The following PTPRB variants were observed in gnomAD, a reference collection of about 807,000 sequenced individuals.
PTPRB encodes the protein receptor-type tyrosine-protein phosphatase beta.
A neutral mutation model predicts 238.1 loss-of-function variants in PTPRB; 97 were observed. That is an observed-to-expected ratio of 0.41 (90% CI 0.35 to 0.48). The LOEUF is 0.48. PTPRB is among the 20% of genes least tolerant of loss of function. The probability of loss-of-function intolerance (pLI) is 0.30; values close to 1 mark genes in which losing one functional copy is unlikely to be tolerated. For missense variants in PTPRB, 2,292 were observed against 2,681.9 expected, an observed-to-expected ratio of 0.85 and a Z score of 3.21; for synonymous variants, 970 against 995.4, an observed-to-expected ratio of 0.97 and a Z score of 0.48.
At chr12:70,539,307 C>T (rs1157248058) in intron 26 of PTPRB, 3 of 531,106 alleles carry the variant, frequency 5.6e-6, no homozygotes, top group East Asian at 3.0e-5. Flanking sequence ...GAAACCACGG[C>T]ATCTTCCAGC....
At chr12:70,573,777 A>AG (rs111956105) in intron 11 of PTPRB, among the ~76,000 whole-genome samples, 9,602 of 151,886 alleles carry the variant, frequency 0.063, 441 homozygotes, top group African/African-American at 0.13. Flanking sequence ...AGTGCTGGGG[A>AG]TGCATGGTTT....
intron 2 of PTPRB, among the ~76,000 whole-genome samples, chr12:70,632,858 G>T (rs1592613879): frequency 6.6e-6 from 1 of 152,322 alleles, no homozygotes; most frequent in East Asian, 1.9e-4. Context: ...AAGCTGCCAT[G>T]TGAGTCTAAT....
At chr12:70,524,279 T>C (rs1366130401) in intron 33 of PTPRB, among the ~76,000 whole-genome samples, 192 bp downstream of exon 33, 2 of 151,516 alleles carry the variant, frequency 1.3e-5, no homozygotes, top group Non-Finnish European at 2.9e-5. Context: ...GGCTATTTTT[T>C]TTTTTTTTAG....
chr12:70,559,025 T>C (rs1222465360), intron 18 of PTPRB: 1 of 462,920 alleles, frequency 2.2e-6, no homozygotes, highest in Admixed American at 3.7e-5. Flanking sequence ...CAAGAAGTTC[T>C]CTTGTATTGG....
chr12:70,525,080 G>A (rs977493804), intron 32 of PTPRB, among the ~76,000 whole-genome samples: 5 of 151,706 alleles, frequency 3.3e-5, no homozygotes, highest in African/African-American at 7.3e-5. Context: ...AACAAATGCC[G>A]GACACTCCTA....
At chr12:70,583,188 C>T (rs986687833) in intron 9 of PTPRB, among the ~76,000 whole-genome samples, 1 of 152,058 alleles carries the variant, frequency 6.6e-6, no homozygotes, top group African/African-American at 2.4e-5. Context: ...TACCATATGA[C>T]CCAGCAATAT....
intron 20 of PTPRB, among the ~76,000 whole-genome samples, chr12:70,553,649 T>C (rs897950609): frequency 1.3e-5 from 2 of 152,318 alleles, no homozygotes; most frequent in Non-Finnish European, 2.9e-5. Context: ...AGTTTTGATG[T>C]TGGCTGGAGA....
chr12:70,538,063 TA>T, intron 28 of PTPRB, 91 bp downstream of exon 28: 1 of 1,085,980 alleles, frequency 9.2e-7, no homozygotes, highest in South Asian at 1.6e-5. Flanking sequence ...TTTCCAGACC[TA>T]AGAATAACAG....
rs1877631636 is a variant in PTPRB, at chr12:70,556,116, G to A, written c.4747C>T (p.Pro1583Ser). 1 of 1,613,618 alleles carries A rather than the reference G, an allele frequency of 6.2e-7. No individual in the cohort carries two copies. Among genetic ancestry groups the A allele is most frequent in the Admixed American group, 1.7e-5 (1 of 59,968 alleles). Residue 1583 changes from proline to serine, a missense_variant, in exon 19 of 34, where the codon CCT becomes TCT. By Grantham distance (74) the Pro-to-Ser change is moderately conservative (BLOSUM62 -1). Coordinates refer to ENST00000334414, the MANE Select transcript of PTPRB (RefSeq NM_001109754.4). ...PDKIQNLHCR[P>S]QNSTAIACSW... ...CAGGCAATGGCCGTGGAGTTCTGAG[G>A]CCGGCAATGCAGGTTTTGTATCTTG...
chr12:70,553,931 A>G (rs1368806764), intron 20 of PTPRB, among the ~76,000 whole-genome samples: 1 of 152,196 alleles, frequency 6.6e-6, no homozygotes, highest in Non-Finnish European at 1.5e-5. Context: ...GACATCAATA[A>G]TGGGAAGGCT....
At chr12:70,532,264 TC>T in intron 31 of PTPRB, 94 bp from the exon 32 acceptor site, 2 of 1,411,250 alleles carry the variant, frequency 1.4e-6, no homozygotes. Flanking sequence ...TTTTTTCCCT[TC>T]CCAGTTATGG....
rs1874852045 is a variant in PTPRB at position 70,540,257 on chromosome 12, A to G, written c.5595-235T>C. Reference sequence around the variant, plus strand: ...AAGATTTGTCTCCTGGTTTTTGGCTACAGGTTATAATCACTTCCCACATTC... The same window carrying G: ...AAGATTTGTCTCCTGGTTTTTGGCTGCAGGTTATAATCACTTCCCACATTC... On this transcript the variant is annotated intron_variant, in intron 23 of 33. Transcript: ENST00000334414. The G allele has an allele frequency of 6.6e-6, 3 of 453,820 alleles. No homozygotes were observed. The Admixed American group carries it at 1.1e-4, about 17-fold the overall frequency. 28.1% of individuals were successfully genotyped at this position (453,820 alleles called of 1,614,324 possible).
intron 3 of PTPRB, among the ~76,000 whole-genome samples, chr12:70,615,011 A>G (rs1884616705): frequency 6.6e-6 from 1 of 152,170 alleles, no homozygotes; most frequent in Non-Finnish European, 1.5e-5. Flanking sequence ...AAATAATAGA[A>G]GCATTAGGAG....
At chr12:70,550,289 G>A (rs1489047044) in intron 21 of PTPRB, among the ~76,000 whole-genome samples, 3 of 152,188 alleles carry the variant, frequency 2.0e-5, no homozygotes, top group Admixed American at 6.5e-5. Context: ...AGGCTCAGGC[G>A]TATAAAAGAA....
chr12:70,548,759 T>A lies in PTPRB; in HGVS notation c.5387+4018A>T, dbSNP rs2567139. Among the ~76,000 whole-genome samples the A allele has an allele frequency of 7.3e-3, 1,118 of 152,330 alleles. 12 individuals carry two copies. The highest frequency in any genetic ancestry group is 0.025 in the African/African-American group (1,055 of 41,574). On this transcript the variant is annotated intron_variant, in intron 21 of 33. Transcript: ENST00000334414. Reference sequence around the variant, plus strand: ...ACCCACCCACAGTCCTCTCTCGTCCTATCATCCCAGTCTACTCCTTTTTAT... The same window carrying A: ...ACCCACCCACAGTCCTCTCTCGTCCAATCATCCCAGTCTACTCCTTTTTAT...
chr12:70,627,818 AT>A (rs1566024250), intron 2 of PTPRB, among the ~76,000 whole-genome samples: 1 of 152,208 alleles, frequency 6.6e-6, no homozygotes, highest in Non-Finnish European at 1.5e-5. Flanking sequence ...GTGACAGCCA[AT>A]TTAGTACAAG....
chr12:70,606,394 G>C (rs911664207), intron 4 of PTPRB, among the ~76,000 whole-genome samples: 1 of 152,058 alleles, frequency 6.6e-6, no homozygotes, highest in Non-Finnish European at 1.5e-5. Context: ...CCTTAAGGTC[G>C]TGTCTATATG....
intron 3 of PTPRB, among the ~76,000 whole-genome samples, chr12:70,620,586 A>C (rs1043828182): frequency 1.3e-5 from 2 of 152,234 alleles, no homozygotes; most frequent in Non-Finnish European, 2.9e-5. Flanking sequence ...TGATGTTAGA[A>C]TGGAAGTTTT....
At chr12:70,590,722 G>C in intron 7 of PTPRB, among the ~76,000 whole-genome samples, 1 of 150,210 alleles carries the variant, frequency 6.7e-6, no homozygotes. Flanking sequence ...TCTTAACTGA[G>C]ACTACTTTCT....
Sources: gnomAD v4.1 joint callset for allele counts (sites outside exome capture counted in the v4.1 genomes callset) on GRCh38, gnomAD v4.1.1 for gene constraint, MANE v1.5 for transcripts, NCBI Gene and HGNC (gene_info 2026-07-23, HGNC 2026-07-21) for gene names.